Variants in INTS3 observed in about 807,000 individuals in gnomAD.
INTS3 encodes integrator complex subunit 3, also known as SOSS complex subunit A.
A neutral mutation model predicts 146.3 loss-of-function variants in INTS3; 34 were observed. The observed-to-expected ratio is 0.23, with a 90% confidence interval of 0.18 to 0.31. The LOEUF is 0.31. Among genes scored for constraint, INTS3 ranks in the 10% least tolerant of loss-of-function variants. INTS3 has a pLI of 1.00. For synonymous variants in INTS3, 475 were observed against 494.9 expected, an observed-to-expected ratio of 0.96 and a Z score of 0.53; for missense variants, 757 against 1,304.2, an observed-to-expected ratio of 0.58 and a Z score of 6.46.
intron 21 of INTS3, 81 bp from the exon 22 acceptor site, chr1:153,768,811 AT>A: frequency 9.3e-7 from 1 of 1,071,636 alleles, no homozygotes; most frequent in Non-Finnish European, 1.4e-6. Context: ...AAACCTTGAG[AT>A]GTAATAAGGA....
rs1348562039 is a variant in INTS3 at position 153,760,231 on chromosome 1, TCAAAAAAAAAA to T, written c.1238-79_1238-69del. The T allele has an allele frequency of 8.3e-6, 6 of 721,984 alleles. No homozygotes were observed. In the South Asian group the frequency reaches 1.1e-4, roughly 13 times the overall value. 44.7% of individuals were successfully genotyped at this position (721,984 alleles called of 1,614,324 possible). A position where few individuals can be genotyped will look rare whatever the true frequency, so the allele number is the denominator to read the frequency against. ...CTGGGTGACAGAGCAAGACTCTGTT[TCAAAAAAAAAA>T]AAAAAAAAAAAAAAAAGAGAGAGAG... On this transcript the variant is annotated intron_variant, in intron 11 of 29. Transcript: ENST00000318967.
chr1:153,749,824 A>AT (rs1487465397), intron 6 of INTS3, among the ~76,000 whole-genome samples: 1 of 151,958 alleles, frequency 6.6e-6, no homozygotes, highest in East Asian at 1.9e-4. Context: ...CTAAAAAGTG[A>AT]TTTTTCTTAT....
rs1558010148 is a variant in INTS3, at chr1:153,770,102, T to TGCGCGCGCGCGCGCGC, written c.2390-94_2390-93insGCGCGCGCGCGCGCGC. 1.9e-5 allele frequency: 8 copies of TGCGCGCGCGCGCGCGC among 428,620 alleles called. No individual in the cohort carries two copies. The African/African-American group carries it at 2.4e-4, about 13-fold the overall frequency. 26.6% of individuals were successfully genotyped at this position (428,620 alleles called of 1,614,324 possible). ...GTGTGTGTGTGTGTGTGTGTGTGTG[T>TGCGCGCGCGCGCGCGC]GCTGGTAGTCAGTGGATGGGGGGGT... On this transcript the variant is annotated intron_variant, in intron 23 of 29. Transcript: ENST00000318967.
Position 153,744,038 on chromosome 1 carries a change from C to CGTGTGTGTGTGT in INTS3, c.318+2703_318+2714dup, listed in dbSNP as rs200825280. ...TTTCCTCACTGAGGGTGTGCATGTG[C>CGTGTGTGTGTGT]GTGTGTGTGTGTGTGTGTGTGTGTG... On this transcript the variant is annotated intron_variant, in intron 3 of 29. Coordinates refer to ENST00000318967, the MANE Select transcript of INTS3 (RefSeq NM_023015.5). 9.6e-4 allele frequency among the ~76,000 whole-genome samples: 136 copies of CGTGTGTGTGTGT among 142,342 alleles called. 1 individual carries two copies. Among genetic ancestry groups the CGTGTGTGTGTGT allele is most frequent in the African/African-American group, 3.2e-3 (124 of 38,188 alleles). The allele number at this position is 142,342 out of a possible 152,430, so 93.4% of individuals were successfully genotyped here.
In INTS3 at chr1:153,763,918, G is replaced by T. The variant is rs773803811; in HGVS notation, c.1821+32G>T. ...AGGAACCCAATCCCTTAGGGAGGAA[G>T]CAGCCTAGCCTGCTTAGCTTACACG... On this transcript the variant is annotated intron_variant, in intron 17 of 29. Coordinates refer to ENST00000318967, the MANE Select transcript of INTS3 (RefSeq NM_023015.5). 8 of 1,600,914 alleles carry T rather than the reference G, an allele frequency of 5.0e-6. No homozygotes were observed. The Middle Eastern group carries it at 1.0e-3, about 202-fold the overall frequency.
chr1:153,774,484 C>T lies in INTS3; in HGVS notation c.*1214C>T, dbSNP rs900538887. On this transcript the variant is annotated 3_prime_UTR_variant, in exon 30 of 30. Coordinates refer to ENST00000318967, the MANE Select transcript of INTS3 (RefSeq NM_023015.5). The stretch of plus-strand genomic sequence containing the variant: ...TGTACCTGGAGATAAAGTCTGGATA[C>T]CAGGGAGGGACAGAGATGCTCTTCC... 1.3e-5 allele frequency: 2 copies of T among 152,204 alleles called. No individual in the cohort carries two copies. The highest frequency in any genetic ancestry group is 2.9e-5 in the Non-Finnish European group (2 of 68,106). 9.4% of individuals were successfully genotyped at this position (152,204 alleles called of 1,614,324 possible).
At chr1:153,765,720 C>T (rs1672554306) in intron 20 of INTS3, among the ~76,000 whole-genome samples, 1 of 152,058 alleles carries the variant, frequency 6.6e-6, no homozygotes, top group Admixed American at 6.5e-5. Flanking sequence ...CAGGCACCCA[C>T]CACCACGCCC....
intron 9 of INTS3, 128 bp downstream of exon 9, chr1:153,754,867 C>G: frequency 1.5e-6 from 1 of 681,748 alleles, no homozygotes; most frequent in East Asian, 2.6e-5. Context: ...CCTGATCTAC[C>G]TGGCTACTGG....
At chr1:153,749,558 C>T (rs1279923423) in intron 6 of INTS3, among the ~76,000 whole-genome samples, 1 of 152,226 alleles carries the variant, frequency 6.6e-6, no homozygotes, top group Non-Finnish European at 1.5e-5. Context: ...CTGCCCAGGT[C>T]TGAGAGCCCT....
At position 153,764,129 on chromosome 1, in the gene INTS3, C is replaced by T. The variant is rs1672487825; in HGVS notation, c.1833C>T (p.Asp611=). 1 of 1,613,704 alleles carries T rather than the reference C, an allele frequency of 6.2e-7. No individual in the cohort carries two copies. Among genetic ancestry groups the T allele is most frequent in the Non-Finnish European group, 8.5e-7 (1 of 1,179,774 alleles). ...GTCTCATCACCCAGGAAGACTTTGACTCGGAGCAGCTGTCTGTCCTTGCTT... is the reference window on the plus strand; with the variant it reads ...GTCTCATCACCCAGGAAGACTTTGATTCGGAGCAGCTGTCTGTCCTTGCTT... ...IVDQVLEEDF[D]SEQLSVLASC... The change falls in exon 18 of 30, where the codon GAC becomes GAT. Residue 611 remains aspartate, a synonymous_variant. Coordinates refer to ENST00000318967, the MANE Select transcript of INTS3 (RefSeq NM_023015.5).
rs574145795 is a variant in INTS3 at position 153,772,316 on chromosome 1, C to G, written c.2721-24C>G. 5.0e-6 allele frequency: 8 copies of G among 1,609,958 alleles called. No individual in the cohort carries two copies. Among genetic ancestry groups the G allele is most frequent in the Non-Finnish European group, 5.9e-6 (7 of 1,177,240 alleles). ...TCTGGAACCCTCCCACACTCAGACT[C>G]TGGCTCTGGTGATTCCTGCACAGCC... On this transcript the variant is annotated intron_variant, in intron 26 of 29. Coordinates refer to ENST00000318967, the MANE Select transcript of INTS3 (RefSeq NM_023015.5). This position sits in a 1 kb window ranked among gnomAD's most constrained non-coding sequence, Gnocchi z 4.6.
At chr1:153,770,150 TG>T in intron 23 of INTS3, 47 bp from the exon 24 acceptor site, 3 of 906,160 alleles carry the variant, frequency 3.3e-6, no homozygotes, top group African/African-American at 1.7e-5. Flanking sequence ...TGTGTGTGTG[TG>T]TTCGTTTGTT....
chr1:153,766,933 C>T (rs2101825651), intron 20 of INTS3: 1 of 152,176 alleles, frequency 6.6e-6, no homozygotes, highest in African/African-American at 2.4e-5. Context: ...TGGTCTTGAA[C>T]TTCTGACCTC....
chr1:153,772,804 A>G lies in INTS3; in HGVS notation c.2894+93A>G. ...TAGGGACATAAACGTAATGGCCAGCAAGACCTTAGGGTCCAGGGTTGAAGA... is the reference window on the plus strand; with the variant it reads ...TAGGGACATAAACGTAATGGCCAGCGAGACCTTAGGGTCCAGGGTTGAAGA... On this transcript the variant is annotated intron_variant, in intron 28 of 29. Coordinates refer to ENST00000318967, the MANE Select transcript of INTS3 (RefSeq NM_023015.5). The surrounding 1 kb of genome is among the most constrained non-coding windows in gnomAD (Gnocchi z 4.6). The G allele has an allele frequency of 6.3e-7, 1 of 1,579,646 alleles. No individual in the cohort carries two copies. The highest frequency in any genetic ancestry group is 8.6e-7 in the Non-Finnish European group (1 of 1,160,250).
intron 1 of INTS3, among the ~76,000 whole-genome samples, chr1:153,729,107 A>T (rs1291991361): frequency 6.6e-6 from 1 of 152,208 alleles, no homozygotes; most frequent in Non-Finnish European, 1.5e-5. Flanking sequence ...TTTTACTATC[A>T]ACCCTGTTTC....
chr1:153,762,937 C>T (rs2101819935), intron 15 of INTS3, 90 bp downstream of exon 15: 1 of 1,506,898 alleles, frequency 6.6e-7, no homozygotes, highest in Admixed American at 1.9e-5. Context: ...CTTCCTGTCA[C>T]CCTTATTCCT....
Position 153,728,050 on chromosome 1 carries a change from G to A in INTS3, c.-585G>A. 1 of 227,676 alleles carries A rather than the reference G, an allele frequency of 4.4e-6. No homozygotes were observed. The highest frequency in any genetic ancestry group is 7.2e-6 in the Non-Finnish European group (1 of 138,948). The allele number at this position is 227,676 out of a possible 1,614,324, so 14.1% of individuals were successfully genotyped here. On this transcript the variant is annotated 5_prime_UTR_variant, in exon 1 of 30. Transcript: ENST00000318967. ...GATTTCTCCCCCTCCCCCGCCCTCC[G>A]CCTTCCCACCCCCCGCCCTTCCACT...
chr1:153,769,963 G>A (rs1672752668), intron 23 of INTS3, 119 bp downstream of exon 23: 4 of 779,578 alleles, frequency 5.1e-6, no homozygotes, highest in African/African-American at 1.7e-5. Context: ...GGAGAGAATT[G>A]TACTCCACCC....
chr1:153,757,757 G>A lies in INTS3; in HGVS notation c.1143G>A (p.Thr381=), dbSNP rs751793716. The A allele has an allele frequency of 1.8e-5, 29 of 1,612,708 alleles. No individual in the cohort carries two copies. Among genetic ancestry groups the A allele is most frequent in the Middle Eastern group, 1.9e-4 (1 of 5,278 alleles). Residue 381 remains threonine (T), a synonymous_variant, in exon 10 of 30, where the codon ACG becomes ACA. Transcript: ENST00000318967. The surrounding 1 kb of genome is among the most constrained non-coding windows in gnomAD (Gnocchi z 4.0). ...RWAIIGWLLT[T]CTSNVAASNA... is the part of the protein sequence containing the mutation. ...CCATCATTGGTTGGCTCCTGACAAC[G>A]TGCACGGTGAGGGCAAAAGATACTG...
Sources: allele counts gnomAD v4.1 joint callset (sites outside exome capture counted in the v4.1 genomes callset), GRCh38; gene constraint gnomAD v4.1.1; non-coding constraint Gnocchi (gnomAD v3.1); transcripts MANE v1.5; gene names NCBI Gene and HGNC (gene_info 2026-07-23, HGNC 2026-07-21).